Variants in DAPK1 observed in about 807,000 individuals in gnomAD.
The protein encoded by DAPK1 is death-associated protein kinase 1.
In DAPK1, 56 loss-of-function variants were observed where a neutral mutation model predicts 144.9. The ratio of observed to expected loss-of-function variants is 0.39; its 90% confidence interval spans 0.31 to 0.48. The LOEUF is 0.48. DAPK1 is among the 20% of genes least tolerant of loss of function. DAPK1 has a pLI of 0.95. For synonymous variants in DAPK1, 690 were observed against 749.0 expected (o/e 0.92, Z 1.29); for missense variants, 1,454 against 1,875.4 (o/e 0.78, Z 4.15).
intron 2 of DAPK1, among the ~76,000 whole-genome samples, chr9:87,590,369 C>CAAAAAAAAAAAAAAAAAAAAAAA (rs200588801): frequency 2.3e-5 from 2 of 85,742 alleles, no homozygotes; most frequent in African/African-American, 8.0e-5. Flanking sequence ...TCATTGGCCT[C>CAAAAAAAAAAAAAAAAAAAAAAA]AAAAAAAAAA....
At chr9:87,697,614 TAGTC>T (rs776267519) in intron 22 of DAPK1, among the ~76,000 whole-genome samples, 5 of 152,176 alleles carry the variant, frequency 3.3e-5, no homozygotes, top group Non-Finnish European at 5.9e-5. Flanking sequence ...GGTACAGAAT[TAGTC>T]AGCAGAATGA....
intron 9 of DAPK1, among the ~76,000 whole-genome samples, chr9:87,641,280 C>G (rs1318109473): frequency 6.6e-6 from 1 of 152,232 alleles, no homozygotes; most frequent in Non-Finnish European, 1.5e-5. Flanking sequence ...TGCTAGGGAA[C>G]AGGGCGCCCT....
intron 21 of DAPK1, among the ~76,000 whole-genome samples, chr9:87,694,137 A>T (rs1236703306): frequency 6.6e-6 from 1 of 152,122 alleles, no homozygotes; most frequent in Non-Finnish European, 1.5e-5. Context: ...GCGTGGTGTG[A>T]GTGATGGCAG....
At chr9:87,548,210 C>T (rs1826332581) in intron 2 of DAPK1, among the ~76,000 whole-genome samples, 3 of 152,346 alleles carry the variant, frequency 2.0e-5, no homozygotes, top group African/African-American at 4.8e-5. Flanking sequence ...TTCACCATTA[C>T]CTTTCGCAAG....
rs36219124 is a variant in DAPK1, at chr9:87,699,077, A to G, written c.2750+283A>G. 6.4e-3 allele frequency among the ~76,000 whole-genome samples: 975 copies of G among 152,354 alleles called. 12 individuals are homozygous for G. The highest frequency in any genetic ancestry group is 0.023 in the African/African-American group (937 of 41,582). On this transcript the variant is annotated intron_variant, in intron 23 of 25. Transcript: ENST00000408954. Reference sequence around the variant, plus strand: ...AAAAATTCTAAATCTGAAATGCTCTAATAACCATTTCCTTTGCATGTCTTG... The same window carrying G: ...AAAAATTCTAAATCTGAAATGCTCTGATAACCATTTCCTTTGCATGTCTTG...
intron 16 of DAPK1, among the ~76,000 whole-genome samples, chr9:87,651,027 T>C (rs1427473692): frequency 6.6e-6 from 1 of 152,212 alleles, no homozygotes; most frequent in African/African-American, 2.4e-5. Context: ...ATGCCCGGGC[T>C]GGTTTTTCAT....
At chr9:87,644,676 T>C (rs959645337) in intron 11 of DAPK1, among the ~76,000 whole-genome samples, 3 of 152,164 alleles carry the variant, frequency 2.0e-5, no homozygotes, top group African/African-American at 4.8e-5. Context: ...ATAATGAGAA[T>C]GATTAAAGAT....
rs540565879 is a variant in DAPK1 at position 87,632,140 on chromosome 9, C to T, written c.285-5803C>T. The T allele has an allele frequency of 1.3e-4, 97 of 720,788 alleles. No homozygotes were observed. The African/African-American group carries it at 1.8e-3, about 14-fold the overall frequency. 44.6% of individuals were successfully genotyped at this position (720,788 alleles called of 1,614,324 possible). A position where few individuals can be genotyped will look rare whatever the true frequency, so the allele number is the denominator to read the frequency against. On this transcript the variant is annotated intron_variant, in intron 3 of 25. Coordinates refer to ENST00000408954, the MANE Select transcript of DAPK1 (RefSeq NM_004938.4). ...TGTGTGTGTATATATATATAAAATA[C>T]CAGATGGGTATGTATGTATGTAGAG...
At chr9:87,703,499 T>TG (rs1473946176) in intron 25 of DAPK1, among the ~76,000 whole-genome samples, 1 of 152,156 alleles carries the variant, frequency 6.6e-6, no homozygotes. Flanking sequence ...CCTGGGTGAC[T>TG]GGGTCTCTCT....
intron 19 of DAPK1, among the ~76,000 whole-genome samples, chr9:87,680,294 C>T (rs1824561688): frequency 6.6e-6 from 1 of 151,956 alleles, no homozygotes; most frequent in Non-Finnish European, 1.5e-5. Context: ...TCGGTAGAGA[C>T]GGGGTTTCAC....
chr9:87,636,810 T>G (rs868829859), intron 3 of DAPK1, among the ~76,000 whole-genome samples: 14 of 152,384 alleles, frequency 9.2e-5, no homozygotes, highest in Middle Eastern at 6.8e-3. Flanking sequence ...ATGGTTAAAC[T>G]TGATAAAGAT....
chr9:87,572,891 C>T (rs138454224), intron 2 of DAPK1, among the ~76,000 whole-genome samples: 35 of 152,290 alleles, frequency 2.3e-4, no homozygotes, highest in Non-Finnish European at 4.9e-4. Context: ...AGATGAAGCC[C>T]ATGCTGCGGC....
intron 21 of DAPK1, among the ~76,000 whole-genome samples, chr9:87,695,033 C>G (rs1587851003): frequency 6.6e-6 from 1 of 152,130 alleles, no homozygotes; most frequent in African/African-American, 2.4e-5. Flanking sequence ...GCATTTTGCT[C>G]TCTTAAAAGT....
intron 21 of DAPK1, among the ~76,000 whole-genome samples, chr9:87,695,495 G>T (rs549782819): frequency 3.4e-4 from 52 of 152,322 alleles, no homozygotes; most frequent in South Asian, 8.3e-4. Flanking sequence ...CGGGAGTCCT[G>T]GGAGCTCCAG....
intron 20 of DAPK1, among the ~76,000 whole-genome samples, chr9:87,682,620 G>C (rs1824679016): frequency 6.6e-6 from 1 of 152,152 alleles, no homozygotes; most frequent in Non-Finnish European, 1.5e-5. Context: ...CACAGCTATA[G>C]AATTGAAATG....
In DAPK1 at chr9:87,668,642, C is replaced by A; in HGVS notation, c.1969C>A (p.His657Asn). The A allele has an allele frequency of 1.4e-6, 2 of 1,468,912 alleles. No homozygotes were observed. Among genetic ancestry groups the A allele is most frequent in the Non-Finnish European group, 1.9e-6 (2 of 1,047,356 alleles). 91.0% of individuals were successfully genotyped at this position (1,468,912 alleles called of 1,614,324 possible). A position where few individuals can be genotyped will look rare whatever the true frequency, so the allele number is the denominator to read the frequency against. ...EDLARSEQHEHVAGLLARLRK... is the reference protein window; with the variant it reads ...EDLARSEQHENVAGLLARLRK... ...TCTTGCTAGATCGGAACAGCACGAG[C>A]ACGTAGCAGGTCTCCTTGCAAGACT... Residue 657 changes from histidine to asparagine, a missense_variant, in exon 19 of 26, where the codon CAC (histidine) becomes AAC (asparagine). This residue lies in a region of DAPK1 where 1,025 missense variants were observed against 1,237.9 expected (regional missense o/e 0.83). Coordinates refer to ENST00000408954, the MANE Select transcript of DAPK1 (RefSeq NM_004938.4).
intron 10 of DAPK1, among the ~76,000 whole-genome samples, chr9:87,642,340 A>T (rs567285437): frequency 3.6e-4 from 55 of 152,192 alleles, no homozygotes; most frequent in African/African-American, 1.2e-3. Context: ...TTATAGTGAA[A>T]TTTTTTTCTA....
intron 2 of DAPK1, among the ~76,000 whole-genome samples, chr9:87,529,493 A>G (rs1289549619): frequency 1.3e-5 from 2 of 152,202 alleles, no homozygotes; most frequent in Non-Finnish European, 2.9e-5. Context: ...TGTCTGTTTT[A>G]TCCTGAGCAT....
At chr9:87,702,912 C>T (rs957268580) in intron 24 of DAPK1, 117 bp from the exon 25 acceptor site, 9 of 637,618 alleles carry the variant, frequency 1.4e-5, no homozygotes, top group Non-Finnish European at 2.0e-5. Flanking sequence ...AAAAAACCCA[C>T]TCGTTCATCA....
Sources: allele counts gnomAD v4.1 joint callset (sites outside exome capture counted in the v4.1 genomes callset), GRCh38; gene constraint gnomAD v4.1.1; regional missense constraint gnomAD v4.1.1; transcripts MANE v1.5; gene names NCBI Gene and HGNC (gene_info 2026-07-23, HGNC 2026-07-21).